GRIK4: variants seen among roughly 807,000 people sequenced by gnomAD.
GRIK4 encodes glutamate ionotropic receptor kainate type subunit 4, also known as glutamate receptor ionotropic, kainate 4.
GRIK4 carries 40 observed loss-of-function variants against 104.9 expected under a neutral mutation model. The observed-to-expected ratio is 0.38, with a 90% CI of 0.30 to 0.50. The LOEUF is 0.50. Among genes scored for constraint, GRIK4 ranks in the 20% least tolerant of loss-of-function variants. The pLI is 0.93. For synonymous variants in GRIK4, 485 were observed against 524.9 expected, an observed-to-expected ratio of 0.92 and a Z score of 1.04; for missense variants, 1,047 against 1,308.1, an observed-to-expected ratio of 0.80 and a Z score of 3.08.
intron 3 of GRIK4, among the ~76,000 whole-genome samples, chr11:120,673,937 A>T (rs1950060032): frequency 6.6e-6 from 1 of 152,058 alleles, no homozygotes; most frequent in Non-Finnish European, 1.5e-5. Flanking sequence ...CATTCTGACC[A>T]TTGGTTTTTC....
chr11:120,747,652 C>T (rs577219962), intron 3 of GRIK4, among the ~76,000 whole-genome samples: 6 of 152,302 alleles, frequency 3.9e-5, no homozygotes, highest in South Asian at 2.1e-4. Context: ...TTGTTCTATG[C>T]GCCGTTCCCA....
At chr11:120,540,961 C>T (rs1456724584) in intron 1 of GRIK4, among the ~76,000 whole-genome samples, 2 of 152,138 alleles carry the variant, frequency 1.3e-5, no homozygotes, top group Admixed American at 6.5e-5. Flanking sequence ...GAGTGAGACC[C>T]GGTCTCTTAA....
At chr11:120,984,660 T>G (rs1944708349) in intron 20 of GRIK4, among the ~76,000 whole-genome samples, 1 of 151,824 alleles carries the variant, frequency 6.6e-6, no homozygotes, top group Non-Finnish European at 1.5e-5. Context: ...CCCAGCTTAC[T>G]GGAGAGGCTG....
At chr11:120,837,069 C>A (rs1015276433) in intron 8 of GRIK4, among the ~76,000 whole-genome samples, 4 of 152,204 alleles carry the variant, frequency 2.6e-5, no homozygotes, top group African/African-American at 9.7e-5. Flanking sequence ...TCAAATGCCG[C>A]TAGCTACATA....
In GRIK4 at chr11:120,678,092, T is replaced by C. The variant is rs553799803; in HGVS notation, c.82+17692T>C. On this transcript the variant is annotated intron_variant, in intron 3 of 20. Transcript: ENST00000527524. Reference sequence around the variant, plus strand: ...TAGACTCCTCCCTGCTGTGCTCCCCTCTGCAGAGACCCCGAGGCCTCTGGG... The same window carrying C: ...TAGACTCCTCCCTGCTGTGCTCCCCCCTGCAGAGACCCCGAGGCCTCTGGG... Among the ~76,000 whole-genome samples the C allele has an allele frequency of 2.6e-5, 4 of 152,138 alleles. No individual in the cohort carries two copies. In the South Asian group the frequency reaches 6.2e-4, roughly 24 times the overall value.
At chr11:120,869,258 G>A (rs1010604720) in intron 9 of GRIK4, 24 of 152,814 alleles carry the variant, frequency 1.6e-4, no homozygotes, top group African/African-American at 4.3e-4. Flanking sequence ...AGACTGCAGC[G>A]GGGGAGAAGA....
chr11:120,611,957 G>A (rs1949043546), intron 1 of GRIK4, among the ~76,000 whole-genome samples: 1 of 152,088 alleles, frequency 6.6e-6, no homozygotes, highest in Non-Finnish European at 1.5e-5. Context: ...TTGGGTTGAG[G>A]GCACCCCCTC....
chr11:120,814,486 G>A (rs1350166083), intron 4 of GRIK4, among the ~76,000 whole-genome samples: 1 of 152,158 alleles, frequency 6.6e-6, no homozygotes, highest in African/African-American at 2.4e-5. Flanking sequence ...TGTAATCCCA[G>A]TTACTCCTGA....
intron 12 of GRIK4, among the ~76,000 whole-genome samples, chr11:120,900,728 G>C (rs966240562): frequency 6.6e-6 from 1 of 152,168 alleles, no homozygotes; most frequent in Non-Finnish European, 1.5e-5. Flanking sequence ...TGCCGGGGGA[G>C]GGGTATTCTT....
intron 2 of GRIK4, among the ~76,000 whole-genome samples, chr11:120,656,037 G>C (rs1949705387): frequency 6.6e-6 from 1 of 152,188 alleles, no homozygotes; most frequent in East Asian, 1.9e-4. Flanking sequence ...CCCATGGAGG[G>C]TAATGGTCGT....
At chr11:120,709,053 G>T (rs1565307616) in intron 3 of GRIK4, among the ~76,000 whole-genome samples, 2 of 152,140 alleles carry the variant, frequency 1.3e-5, no homozygotes, top group Non-Finnish European at 2.9e-5. Context: ...AGGAGAACCT[G>T]CCAGGTCAGG....
chr11:120,926,598 G>A (rs1324527852), intron 13 of GRIK4, among the ~76,000 whole-genome samples: 2 of 152,330 alleles, frequency 1.3e-5, no homozygotes, highest in East Asian at 1.9e-4. Flanking sequence ...TGTACCCTTG[G>A]TCAAAACATT....
At chr11:120,856,455 G>C (rs569277880) in intron 8 of GRIK4, among the ~76,000 whole-genome samples, 1 of 152,334 alleles carries the variant, frequency 6.6e-6, no homozygotes, top group East Asian at 1.9e-4. Context: ...TTGCAGAGGA[G>C]AAATGACGAG....
In GRIK4 at chr11:120,736,162, C is replaced by T. The variant is rs115177388; in HGVS notation, c.83-66531C>T. 5.8e-3 allele frequency among the ~76,000 whole-genome samples: 875 copies of T among 152,136 alleles called. 4 individuals carry two copies. Among genetic ancestry groups the T allele is most frequent in the African/African-American group, 0.015 (621 of 41,512 alleles). ...TTAGTCAGCAGGTGATGAGTCCTGC[C>T]AGGACTGGGTCCTTCCCTTCAAGGT... On this transcript the variant is annotated intron_variant, in intron 3 of 20. Coordinates refer to ENST00000527524, the MANE Select transcript of GRIK4 (RefSeq NM_014619.5).
intron 1 of GRIK4, among the ~76,000 whole-genome samples, chr11:120,626,823 A>G (rs757949233): frequency 1.1e-4 from 16 of 152,322 alleles, no homozygotes; most frequent in Middle Eastern, 6.8e-3. Context: ...AGGATGGCAT[A>G]CTCACATATC....
intron 9 of GRIK4, among the ~76,000 whole-genome samples, chr11:120,864,110 A>G (rs1004455024): frequency 7.2e-5 from 11 of 152,180 alleles, no homozygotes; most frequent in Non-Finnish European, 1.6e-4. Flanking sequence ...GCACAGTGTC[A>G]TGTGCAGGAT....
intron 1 of GRIK4, among the ~76,000 whole-genome samples, chr11:120,591,117 A>C (rs1055452974): frequency 3.3e-5 from 5 of 152,016 alleles, no homozygotes; most frequent in African/African-American, 1.2e-4. Context: ...GCCACATGTG[A>C]AAGAATAGGA....
chr11:120,882,997 A>T (rs780852908), intron 11 of GRIK4, among the ~76,000 whole-genome samples: 11 of 152,118 alleles, frequency 7.2e-5, no homozygotes, highest in Non-Finnish European at 1.6e-4. Flanking sequence ...AGGCTTCCCT[A>T]ATCCCCAGCT....
chr11:120,677,724 G>A (rs914218026), intron 3 of GRIK4, among the ~76,000 whole-genome samples: 17 of 152,180 alleles, frequency 1.1e-4, no homozygotes, highest in African/African-American at 2.2e-4. Context: ...TCCAGGGACC[G>A]TGGGGACATT....
Sources: gnomAD v4.1 joint callset for allele counts (sites outside exome capture counted in the v4.1 genomes callset) on GRCh38, gnomAD v4.1.1 for gene constraint, MANE v1.5 for transcripts, NCBI Gene and HGNC (gene_info 2026-07-23, HGNC 2026-07-21) for gene names.